The following ANGPT1 variants were observed in gnomAD, a reference collection of about 807,000 sequenced individuals.
ANGPT1 encodes angiopoietin-1.
Under a neutral mutation model 62.2 loss-of-function variants are expected in ANGPT1, and 17 were observed. The observed-to-expected ratio is 0.27, with a 90% CI of 0.19 to 0.41. The LOEUF is 0.41. ANGPT1 is among the 10% of genes least tolerant of loss of function. The pLI, the probability that ANGPT1 is intolerant of heterozygous loss-of-function variation, is 1.00. For missense variants in ANGPT1, 478 were observed against 594.9 expected, an observed-to-expected ratio of 0.80 and a Z score of 2.04; for synonymous variants, 199 against 198.9, an observed-to-expected ratio of 1.00 and a Z score of 0.00.
At chr8:107,348,290 T>C (rs539029394) in intron 1 of ANGPT1, among the ~76,000 whole-genome samples, 32 of 152,324 alleles carry the variant, frequency 2.1e-4, no homozygotes, top group African/African-American at 7.2e-4. Flanking sequence ...TATTTCATAA[T>C]CCATAGTAAA....
chr8:107,330,141 G>A (rs1451889232), intron 3 of ANGPT1, among the ~76,000 whole-genome samples: 1 of 152,142 alleles, frequency 6.6e-6, no homozygotes, highest in Non-Finnish European at 1.5e-5. Flanking sequence ...TGTGTTCAGT[G>A]TCATACTAAC....
At chr8:107,391,924 A>C (rs1382473519) in intron 1 of ANGPT1, among the ~76,000 whole-genome samples, 1 of 152,182 alleles carries the variant, frequency 6.6e-6, no homozygotes, top group African/African-American at 2.4e-5. Context: ...TCACTAGGCA[A>C]TAGTTTTTCA....
At chr8:107,263,818 T>G (rs1481230729) in intron 8 of ANGPT1, among the ~76,000 whole-genome samples, 1 of 152,212 alleles carries the variant, frequency 6.6e-6, no homozygotes, top group Non-Finnish European at 1.5e-5. Context: ...TCTTATCTCA[T>G]TTCAACAAAA....
At chr8:107,353,111 T>A (rs1400762218) in intron 1 of ANGPT1, among the ~76,000 whole-genome samples, 2 of 152,198 alleles carry the variant, frequency 1.3e-5, no homozygotes, top group Non-Finnish European at 2.9e-5. Context: ...TTAAAATGGT[T>A]TCTGTGTGGA....
chr8:107,484,069 A>G (rs1812753644), intron 1 of ANGPT1, among the ~76,000 whole-genome samples: 1 of 152,166 alleles, frequency 6.6e-6, no homozygotes, highest in Admixed American at 6.5e-5. Flanking sequence ...GTATGGATAG[A>G]TTCTCCAAAA....
chr8:107,300,194 TAGA>T (rs148419229), intron 5 of ANGPT1, among the ~76,000 whole-genome samples: 1,730 of 149,296 alleles, frequency 0.012, 25 homozygotes, highest in African/African-American at 0.04. Context: ...TATATATGCT[TAGA>T]AGAAGACTGG....
chr8:107,290,470 G>C (rs1814247026), intron 6 of ANGPT1, among the ~76,000 whole-genome samples: 1 of 152,160 alleles, frequency 6.6e-6, no homozygotes, highest in South Asian at 2.1e-4. Flanking sequence ...GCAGGAAATA[G>C]AAGTAGGTGT....
intron 1 of ANGPT1, among the ~76,000 whole-genome samples, chr8:107,476,653 A>G (rs1200935600): frequency 6.6e-6 from 1 of 152,292 alleles, no homozygotes; most frequent in East Asian, 1.9e-4. Context: ...CACATTTAGA[A>G]AAATGAGAAT....
chr8:107,266,662 C>T (rs1016863556), intron 7 of ANGPT1, among the ~76,000 whole-genome samples: 6 of 152,070 alleles, frequency 3.9e-5, no homozygotes, highest in Non-Finnish European at 5.9e-5. Context: ...AATGGCCTTC[C>T]TTTTTACGGT....
At chr8:107,285,675 G>T (rs1814122847) in intron 6 of ANGPT1, among the ~76,000 whole-genome samples, 2 of 152,156 alleles carry the variant, frequency 1.3e-5, no homozygotes, top group African/African-American at 4.8e-5. Flanking sequence ...GGTCCCAAAA[G>T]AAAGCCAGCG....
rs542089137 is a variant in ANGPT1 at position 107,252,398 on chromosome 8, A to G, written c.1337-383T>C. ...TACCCATAAGAGGCATTCCATCTTA[A>G]GACTGTTATTGGGAATAGAACAATT... On this transcript the variant is annotated intron_variant, in intron 8 of 8. Coordinates refer to ENST00000517746, the MANE Select transcript of ANGPT1 (RefSeq NM_001146.5). 7.9e-5 allele frequency among the ~76,000 whole-genome samples: 12 copies of G among 152,334 alleles called. No homozygotes were observed. The South Asian group carries it at 2.3e-3, about 29-fold the overall frequency.
At chr8:107,312,949 T>C (rs1814912032) in intron 4 of ANGPT1, among the ~76,000 whole-genome samples, 4 of 152,068 alleles carry the variant, frequency 2.6e-5, no homozygotes, top group Non-Finnish European at 4.4e-5. Flanking sequence ...AGAGATAGGT[T>C]GGATAATTAA....
chr8:107,302,878 T>A (rs2129978561), intron 5 of ANGPT1, among the ~76,000 whole-genome samples: 1 of 152,078 alleles, frequency 6.6e-6, no homozygotes, highest in South Asian at 2.1e-4. Flanking sequence ...CTTTGGATAA[T>A]GTGTGTTCTC....
chr8:107,267,936 T>C (rs1366555637), intron 7 of ANGPT1, among the ~76,000 whole-genome samples: 2 of 152,100 alleles, frequency 1.3e-5, no homozygotes, highest in Non-Finnish European at 2.9e-5. Context: ...CTCTCCAGGT[T>C]TGAACAGCTG....
chr8:107,454,438 T>C (rs1283611110), intron 1 of ANGPT1, among the ~76,000 whole-genome samples: 2 of 152,114 alleles, frequency 1.3e-5, no homozygotes, highest in East Asian at 1.9e-4. Context: ...TTTGAACCAG[T>C]TTGCCTTCAC....
intron 8 of ANGPT1, 72 bp downstream of exon 8, chr8:107,264,149 T>G (rs1813559483): frequency 6.6e-7 from 1 of 1,519,274 alleles, no homozygotes; most frequent in African/African-American, 1.4e-5. Context: ...TCATACTCCT[T>G]TCTCATAGAT....
intron 1 of ANGPT1, among the ~76,000 whole-genome samples, chr8:107,439,538 G>A (rs1563623181): frequency 6.6e-6 from 1 of 152,060 alleles, no homozygotes; most frequent in African/African-American, 2.4e-5. Flanking sequence ...ACTTTTTAAC[G>A]AATATCTGTA....
rs537285497 is a variant in ANGPT1, at chr8:107,255,283, G to A, written c.1337-3268C>T. Among the ~76,000 whole-genome samples, 37 of 152,282 alleles carry A rather than the reference G, an allele frequency of 2.4e-4. No individual in the cohort carries two copies. In the South Asian group the frequency reaches 7.7e-3, roughly 32 times the overall value. ...GGTATGAGTTCACTGGACAGAAAGA[G>A]CTTCTATATAGTCTGTACTCTGGAA... On this transcript the variant is annotated intron_variant, in intron 8 of 8. Transcript: ENST00000517746.
chr8:107,404,031 A>G (rs140454827), intron 1 of ANGPT1, among the ~76,000 whole-genome samples: 109 of 152,304 alleles, frequency 7.2e-4, no homozygotes, highest in African/African-American at 2.5e-3. Flanking sequence ...TATATTGGAT[A>G]TATTGCTCTA....
Sources: gnomAD v4.1 joint callset for allele counts (sites outside exome capture counted in the v4.1 genomes callset) on GRCh38, gnomAD v4.1.1 for gene constraint, MANE v1.5 for transcripts, NCBI Gene and HGNC (gene_info 2026-07-23, HGNC 2026-07-21) for gene names.